Variants in UBE4B observed in about 807,000 individuals in gnomAD.
UBE4B encodes the protein ubiquitin conjugation factor E4 B.
UBE4B carries 27 observed loss-of-function variants against 148.1 expected under a neutral mutation model. The observed-to-expected ratio is 0.18, with a 90% CI of 0.13 to 0.25. The LOEUF (loss-of-function observed/expected upper bound fraction) is 0.25, where lower values mean the gene tolerates loss of function less well. Among genes scored for constraint, UBE4B ranks in the 10% least tolerant of loss-of-function variants. The pLI is 1.00. For synonymous variants in UBE4B, 596 were observed against 619.3 expected, an observed-to-expected ratio of 0.96 and a Z score of 0.56; for missense variants, 1,170 against 1,662.4, an observed-to-expected ratio of 0.70 and a Z score of 5.15.
chr1:10,062,179 A>ATT (rs904517006), intron 1 of UBE4B, among the ~76,000 whole-genome samples: 57 of 151,928 alleles, frequency 3.8e-4, no homozygotes, highest in African/African-American at 1.3e-3. Flanking sequence ...AAGTGTTGGG[A>ATT]TTACAGGCCT....
chr1:10,132,225 T>C (rs569433110), intron 14 of UBE4B, 144 bp from the exon 15 acceptor site: 13 of 613,860 alleles, frequency 2.1e-5, no homozygotes, highest in Admixed American at 1.5e-4. Flanking sequence ...ATATTTCTTA[T>C]ATTCTTTCAC....
At chr1:10,041,685 A>G (rs1334597029) in intron 1 of UBE4B, among the ~76,000 whole-genome samples, 1 of 151,692 alleles carries the variant, frequency 6.6e-6, no homozygotes, top group Non-Finnish European at 1.5e-5. Context: ...TGGAAGCCCC[A>G]GTGGACTTTT....
At chr1:10,109,408 A>G (rs1027946538) in intron 7 of UBE4B, among the ~76,000 whole-genome samples, 4 of 152,108 alleles carry the variant, frequency 2.6e-5, no homozygotes, top group Non-Finnish European at 5.9e-5. Context: ...TTCCTTTGGC[A>G]GGGAAGTGCC....
At chr1:10,045,241 G>C (rs1055826101) in intron 1 of UBE4B, among the ~76,000 whole-genome samples, 8 of 152,192 alleles carry the variant, frequency 5.3e-5, no homozygotes, top group Non-Finnish European at 1.2e-4. Context: ...CTGGTCTGTG[G>C]CCCAGGGGTT....
chr1:10,050,490 C>T (rs1180807775), intron 1 of UBE4B, among the ~76,000 whole-genome samples: 4 of 152,120 alleles, frequency 2.6e-5, no homozygotes, highest in Admixed American at 6.6e-5. Flanking sequence ...GTTGGAGGAA[C>T]GGGAAAGGGG....
chr1:10,101,307 A>C (rs978054770), intron 4 of UBE4B, 112 bp downstream of exon 4: 8 of 948,270 alleles, frequency 8.4e-6, no homozygotes, highest in African/African-American at 1.7e-5. Context: ...AGTCCTAGGC[A>C]GGTGATTATT....
chr1:10,033,653 A>G lies in UBE4B; in HGVS notation c.-18A>G. 1 of 1,561,834 alleles carries G rather than the reference A, an allele frequency of 6.4e-7. No homozygotes were observed. Among genetic ancestry groups the G allele is most frequent in the Non-Finnish European group, 8.7e-7 (1 of 1,154,772 alleles). On this transcript the variant is annotated 5_prime_UTR_variant, in exon 1 of 28. Transcript: ENST00000343090. ...GAAGGATCTCTCCTTAACGCCTTTC[A>G]CCATTAAGAGGAAAGCGATGGAGGA...
chr1:10,126,838 G>T lies in UBE4B; in HGVS notation c.1599G>T (p.Glu533Asp). ...ILQGLALAAK[E>D]CSLDSDYFKY... is the part of the protein sequence containing the mutation. The stretch of plus-strand genomic sequence containing the variant: ...AAGGCCTGGCTCTTGCTGCCAAAGA[G>T]TGCTCCCTCGACAGTGACTACTTTA... Residue 533 changes from glutamate to aspartate, a missense_variant, in exon 11 of 28, where the codon GAG becomes GAT. By Grantham distance (45) the Glu-to-Asp change is conservative. Around this residue, in one of 6 missense-constraint regions of UBE4B, gnomAD observed 388 missense variants for 536.0 expected, o/e 0.72. Transcript: ENST00000343090. 1 of 1,614,066 alleles carries T rather than the reference G, an allele frequency of 6.2e-7. No homozygotes were observed. The highest frequency in any genetic ancestry group is 8.5e-7 in the Non-Finnish European group (1 of 1,179,990).
At chr1:10,067,681 C>G (rs1230523628) in intron 1 of UBE4B, among the ~76,000 whole-genome samples, 2 of 150,990 alleles carry the variant, frequency 1.3e-5, no homozygotes, top group Non-Finnish European at 2.9e-5. Context: ...TTATGGCTCT[C>G]TGCAGCCTTG....
chr1:10,104,865 A>C (rs1645080299), intron 5 of UBE4B, among the ~76,000 whole-genome samples: 2 of 152,246 alleles, frequency 1.3e-5, no homozygotes, highest in Non-Finnish European at 2.9e-5. Flanking sequence ...ATTTTAAATA[A>C]CCAAATCAGA....
At chr1:10,107,947 A>G (rs1645144906) in intron 7 of UBE4B, among the ~76,000 whole-genome samples, 1 of 152,172 alleles carries the variant, frequency 6.6e-6, no homozygotes, top group Non-Finnish European at 1.5e-5. Flanking sequence ...TTTCAAAAGC[A>G]TGAAAACAGA....
At chr1:10,164,250 A>T (rs570729475) in intron 23 of UBE4B, among the ~76,000 whole-genome samples, 4 of 152,186 alleles carry the variant, frequency 2.6e-5, no homozygotes, top group African/African-American at 7.2e-5. Flanking sequence ...CTGAGGTGGG[A>T]GAATCACTTG....
At chr1:10,094,220 G>C (rs1644893614) in intron 2 of UBE4B, among the ~76,000 whole-genome samples, 1 of 152,126 alleles carries the variant, frequency 6.6e-6, no homozygotes, top group Non-Finnish European at 1.5e-5. Context: ...CAGTTTCACT[G>C]TACTGTCAGC....
intron 1 of UBE4B, among the ~76,000 whole-genome samples, chr1:10,053,428 C>T (rs565226470): frequency 2.7e-5 from 4 of 150,914 alleles, no homozygotes; most frequent in South Asian, 2.1e-4. Context: ...GGATTACAGG[C>T]GTGAGCCACT....
chr1:10,091,613 A>G (rs561364032), intron 2 of UBE4B, among the ~76,000 whole-genome samples: 3 of 148,954 alleles, frequency 2.0e-5, no homozygotes, highest in South Asian at 2.1e-4. Flanking sequence ...CCTAATTTTT[A>G]TTTTTTTTTT....
At chr1:10,175,493 T>G (rs561347995) in intron 25 of UBE4B, among the ~76,000 whole-genome samples, 1 of 141,722 alleles carries the variant, frequency 7.1e-6, no homozygotes, top group Non-Finnish European at 1.5e-5. Flanking sequence ...CTACTAAAAA[T>G]ACAAAAAATT....
intron 2 of UBE4B, among the ~76,000 whole-genome samples, chr1:10,087,316 T>A (rs903123496): frequency 1.7e-4 from 26 of 152,188 alleles, no homozygotes; most frequent in African/African-American, 6.3e-4. Context: ...TATTTTGGAC[T>A]AACTTTCAAT....
intron 21 of UBE4B, among the ~76,000 whole-genome samples, chr1:10,152,996 G>C (rs573451438): frequency 1.3e-5 from 2 of 152,012 alleles, no homozygotes; most frequent in Admixed American, 1.3e-4. Flanking sequence ...CTCTCTCGGG[G>C]GTTGTGCACG....
At chr1:10,136,222 C>A (rs922952334) in intron 16 of UBE4B, among the ~76,000 whole-genome samples, 3 of 152,016 alleles carry the variant, frequency 2.0e-5, no homozygotes, top group Non-Finnish European at 4.4e-5. Flanking sequence ...TCCATAATCC[C>A]AGCACTTTTG....
Sources: gnomAD v4.1 joint callset for allele counts (sites outside exome capture counted in the v4.1 genomes callset) on GRCh38, gnomAD v4.1.1 for gene constraint, gnomAD v4.1.1 regional missense constraint, MANE v1.5 for transcripts, NCBI Gene and HGNC (gene_info 2026-07-23, HGNC 2026-07-21) for gene names.